The following PSME4 variants were observed in gnomAD, a reference collection of about 807,000 sequenced individuals.
The protein encoded by PSME4 is proteasome activator complex subunit 4.
Under a neutral mutation model 253.9 loss-of-function variants are expected in PSME4, and 89 were observed. The ratio of observed to expected loss-of-function variants is 0.35; its 90% CI spans 0.30 to 0.42. The LOEUF (loss-of-function observed/expected upper bound fraction) is 0.42, where lower values mean the gene tolerates loss of function less well. PSME4 is among the 10% of genes least tolerant of loss of function. The pLI, the probability that PSME4 is intolerant of heterozygous loss-of-function variation, is 1.00. For missense variants in PSME4, 2,014 were observed against 2,195.2 expected, an observed-to-expected ratio of 0.92 and a Z score of 1.65; for synonymous variants, 851 against 759.2, an observed-to-expected ratio of 1.12 and a Z score of -1.99.
In PSME4 at chr2:53,921,080, A is replaced by C; in HGVS notation, c.2071T>G (p.Leu691Val). ...ACAAGCTGCTCCCTATAAAGAAGCA[A>C]CTTCCTTCCATCCACTCGAGTAATC... ...SEITRVDGRK[L>V]LLYREQLVKI... Residue 691 changes from leucine to valine, a missense_variant, in exon 18 of 47, where the codon TTG (leucine) becomes GTG (valine). Coordinates refer to ENST00000404125, the MANE Select transcript of PSME4 (RefSeq NM_014614.3). The C allele has an allele frequency of 6.2e-7, 1 of 1,613,772 alleles. No individual in the cohort carries two copies.
Position 53,893,830 on chromosome 2 carries a change from C to G in PSME4, c.3913-31G>C, listed in dbSNP as rs577513511. ...AAGTTAAAAAAAGAACAATATTCAG[C>G]GTTTAAAATCCACTTAAATACATGA... On this transcript the variant is annotated intron_variant, in intron 34 of 46. Transcript: ENST00000404125. 2.3e-5 allele frequency: 35 copies of G among 1,547,706 alleles called. No homozygotes were observed. The African/African-American group carries it at 4.2e-4, about 19-fold the overall frequency.
chr2:53,922,449 A>G, intron 17 of PSME4, 68 bp downstream of exon 17: 1 of 1,516,002 alleles, frequency 6.6e-7, no homozygotes, highest in Non-Finnish European at 9.1e-7. Flanking sequence ...TTTGTCAGAA[A>G]GAGCTAAATC....
intron 24 of PSME4, among the ~76,000 whole-genome samples, chr2:53,907,753 TG>T (rs1200851633): frequency 6.6e-6 from 1 of 152,190 alleles, no homozygotes; most frequent in African/African-American, 2.4e-5. Flanking sequence ...TATATCTCCT[TG>T]CCCTTTTACA....
At chr2:53,873,702 T>C (rs1408133522) in intron 43 of PSME4, among the ~76,000 whole-genome samples, 2 of 152,236 alleles carry the variant, frequency 1.3e-5, no homozygotes, top group African/African-American at 4.8e-5. Flanking sequence ...GCAGCGCCTA[T>C]GTGTAGATTT....
chr2:53,936,731 T>C (rs554753332), intron 6 of PSME4, 33 bp downstream of exon 6: 13 of 1,398,446 alleles, frequency 9.3e-6, no homozygotes, highest in East Asian at 7.8e-5. Context: ...AAAAAAACTA[T>C]AGGGGGGAAG....
In PSME4 at chr2:53,866,870, T is replaced by A; in HGVS notation, c.5274A>T (p.Lys1758Asn). Residue 1758 changes from lysine to asparagine, a missense_variant, in exon 45 of 47, where the codon AAA becomes AAT. Transcript: ENST00000404125. ...CAAGTCCTAGCACCCCAGCATGGCGTTTGACCAACTCTGCAAAGAGAATAG... is the reference window on the plus strand; with the variant it reads ...CAAGTCCTAGCACCCCAGCATGGCGATTGACCAACTCTGCAAAGAGAATAG... ...GDTIPSAELV[K>N]RHAGVLGLGA... 6.2e-7 allele frequency: 1 copy of A among 1,613,754 alleles called. No individual in the cohort carries two copies. The highest frequency in any genetic ancestry group is 8.5e-7 in the Non-Finnish European group (1 of 1,179,874).
intron 41 of PSME4, among the ~76,000 whole-genome samples, chr2:53,880,103 A>T (rs974009457): frequency 2.6e-5 from 4 of 152,202 alleles, no homozygotes; most frequent in African/African-American, 4.8e-5. Flanking sequence ...GTTGGAAAAT[A>T]AAAAATGAGC....
At chr2:53,947,012 C>A (rs1044993876) in intron 3 of PSME4, among the ~76,000 whole-genome samples, 3 of 152,176 alleles carry the variant, frequency 2.0e-5, no homozygotes, top group Admixed American at 1.3e-4. Context: ...TATTCTATTT[C>A]GTGATAAAAT....
intron 16 of PSME4, among the ~76,000 whole-genome samples, 189 bp from the exon 17 acceptor site, chr2:53,922,773 C>G (rs1353864747): frequency 6.6e-6 from 1 of 151,952 alleles, no homozygotes; most frequent in East Asian, 1.9e-4. Context: ...AGAAAATAAA[C>G]ACACCAACCA....
chr2:53,893,708 T>A lies in PSME4; in HGVS notation c.4004A>T (p.Asp1335Val). 6.2e-7 allele frequency: 1 copy of A among 1,610,718 alleles called. No homozygotes were observed. Among genetic ancestry groups the A allele is most frequent in the East Asian group, 2.2e-5 (1 of 44,640 alleles). Residue 1335 changes from aspartate to valine, a missense_variant, in exon 35 of 47, where the codon GAT (aspartate) becomes GTT (valine). Asp to Val is a radical substitution (Grantham distance 152). Around this residue, in one of 4 missense-constraint regions of PSME4, gnomAD observed 989 missense variants for 1,021.1 expected, o/e 0.97. Transcript: ENST00000404125. ...GCAAAAACGTCGTGGATTAAACTTA[T>A]CTTTTCCTTTTCTGTCTTCTAATGA... Reference protein sequence around the residue: ...FLSLEDRKGKDKFNPRRFCLF... With the variant: ...FLSLEDRKGKVKFNPRRFCLF...
At chr2:53,925,899 G>C in intron 13 of PSME4, 60 bp downstream of exon 13, 1 of 1,503,032 alleles carries the variant, frequency 6.7e-7, no homozygotes, top group South Asian at 1.1e-5. Context: ...TAAACTTTCT[G>C]GGATAGAAGA....
chr2:53,883,327 T>C (rs1679482610), intron 41 of PSME4, among the ~76,000 whole-genome samples: 1 of 152,110 alleles, frequency 6.6e-6, no homozygotes, highest in South Asian at 2.1e-4. Context: ...TGAGACCCCA[T>C]CTCTACAAAA....
At position 53,896,896 on chromosome 2, in the gene PSME4, A is replaced by G. The variant is rs1680162489; in HGVS notation, c.3607-11T>C. 1.3e-6 allele frequency: 2 copies of G among 1,588,952 alleles called. No homozygotes were observed. Among genetic ancestry groups the G allele is most frequent in the Non-Finnish European group, 1.7e-6 (2 of 1,157,670 alleles). On this transcript the variant is annotated splice_polypyrimidine_tract_variant and intron_variant, in intron 31 of 46. Coordinates refer to ENST00000404125, the MANE Select transcript of PSME4 (RefSeq NM_014614.3). ...AGCTGAGATAGCCATCTAGAAAAGGAAAAAGGTACACATTCATAAAAAAAA... is the reference window on the plus strand; with the variant it reads ...AGCTGAGATAGCCATCTAGAAAAGGGAAAAGGTACACATTCATAAAAAAAA...
intron 20 of PSME4, among the ~76,000 whole-genome samples, chr2:53,915,081 A>T (rs1269879092): frequency 6.6e-6 from 1 of 152,146 alleles, no homozygotes. Context: ...ATGAGATTTT[A>T]AGACCATCCC....
chr2:53,877,765 A>C (rs1164349824), intron 41 of PSME4, among the ~76,000 whole-genome samples: 1 of 152,170 alleles, frequency 6.6e-6, no homozygotes, highest in African/African-American at 2.4e-5. Context: ...AGAGGAGCTG[A>C]CTTAAGTTTG....
chr2:53,874,562 C>T (rs1363700438), intron 42 of PSME4, 68 bp from the exon 43 acceptor site: 2 of 1,370,620 alleles, frequency 1.5e-6, no homozygotes, highest in East Asian at 4.7e-5. Context: ...CAGATAGTGA[C>T]ATTACACACA....
chr2:53,958,350 C>A (rs576438699), intron 1 of PSME4, among the ~76,000 whole-genome samples: 1 of 146,558 alleles, frequency 6.8e-6, no homozygotes, highest in Non-Finnish European at 1.5e-5. Flanking sequence ...AGTGAGACTC[C>A]ATCTCAAAAA....
At chr2:53,966,163 T>C (rs777339180) in intron 1 of PSME4, among the ~76,000 whole-genome samples, 8 of 152,086 alleles carry the variant, frequency 5.3e-5, no homozygotes, top group Non-Finnish European at 1.2e-4. Flanking sequence ...TACTCACCTG[T>C]AATCCCAGCT....
chr2:53,887,442 C>T lies in PSME4; in HGVS notation c.4546G>A (p.Asp1516Asn). The change falls in exon 40 of 47, where the codon GAT becomes AAT. Residue 1516 changes from aspartate to asparagine, a missense_variant. Physicochemically the swap from Asp to Asn is conservative, Grantham distance 23 (BLOSUM62 1). Around this residue, in one of 4 missense-constraint regions of PSME4, gnomAD observed 403 missense variants for 556.1 expected, o/e 0.72. Transcript: ENST00000404125. ...GGTGTGGTATTTGGCAAAGATACATCTATCATGAATATGTAGGTCAGCACA... is the reference window on the plus strand; with the variant it reads ...GGTGTGGTATTTGGCAAAGATACATTTATCATGAATATGTAGGTCAGCACA... ...GSVLTYIFMI[D>N]VSLPNTTPTI... 1 of 1,613,478 alleles carries T rather than the reference C, an allele frequency of 6.2e-7. No homozygotes were observed. Among genetic ancestry groups the T allele is most frequent in the South Asian group, 1.1e-5 (1 of 91,058 alleles).
Sources: gnomAD v4.1 joint callset for allele counts (sites outside exome capture counted in the v4.1 genomes callset) on GRCh38, gnomAD v4.1.1 for gene constraint, gnomAD v4.1.1 regional missense constraint, MANE v1.5 for transcripts, NCBI Gene and HGNC (gene_info 2026-07-23, HGNC 2026-07-21) for gene names.